SLC25A13: variants seen among roughly 807,000 people sequenced by gnomAD.
The protein encoded by SLC25A13 is solute carrier family 25 member 13.
SLC25A13 carries 70 observed loss-of-function variants against 85.5 expected under a neutral mutation model. That is an observed-to-expected ratio of 0.82 (90% confidence interval 0.68 to 1.00). The LOEUF (loss-of-function observed/expected upper bound fraction) is 1.00. SLC25A13 is among the 50% of genes least tolerant of loss of function. SLC25A13 has a pLI of 0.00. For synonymous variants in SLC25A13, 259 were observed against 288.7 expected, an observed-to-expected ratio of 0.90 and a Z score of 1.04; for missense variants, 765 against 819.8, an observed-to-expected ratio of 0.93 and a Z score of 0.82.
intron 5 of SLC25A13, among the ~76,000 whole-genome samples, chr7:96,204,600 C>T (rs966903772): frequency 6.6e-6 from 1 of 152,040 alleles, no homozygotes; most frequent in Non-Finnish European, 1.5e-5. Flanking sequence ...ATGTGAATAC[C>T]TGCCATTAGG....
At chr7:96,209,779 G>T (rs1481146338) in intron 4 of SLC25A13, among the ~76,000 whole-genome samples, 2 of 152,044 alleles carry the variant, frequency 1.3e-5, no homozygotes, top group African/African-American at 4.8e-5. Context: ...CTTTTCTAAA[G>T]CTTCTATTTT....
chr7:96,292,546 A>G (rs1799169172), intron 2 of SLC25A13, among the ~76,000 whole-genome samples: 1 of 152,222 alleles, frequency 6.6e-6, no homozygotes. Context: ...TCTCAGCCCA[A>G]AATCTCCTTC....
rs796781003 is a variant in SLC25A13, at chr7:96,120,780, C to T, written c.*411G>A. The T allele has an allele frequency of 1.5e-5, 7 of 456,790 alleles. No individual in the cohort carries two copies. Among genetic ancestry groups the T allele is most frequent in the African/African-American group, 6.0e-5 (3 of 50,198 alleles). The allele number at this position is 456,790 out of a possible 1,614,324, so 28.3% of individuals were successfully genotyped here. On this transcript the variant is annotated 3_prime_UTR_variant, in exon 18 of 18. Coordinates refer to ENST00000265631, the MANE Select transcript of SLC25A13 (RefSeq NM_014251.3). ...AGTGTTTTTTATTTTTATAAATATG[C>T]ACCTAGTTTCCTACCAGTTTAAAAC... is the stretch of plus-strand genomic sequence containing the variant.
In SLC25A13 at chr7:96,296,847, G is replaced by GTTA. The variant is rs560662537; in HGVS notation, c.69+48_69+50dup. On this transcript the variant is annotated intron_variant, in intron 2 of 17. Transcript: ENST00000265631. ...AGCTGTTTGAAAATAATATTTAAAAGTTATAGAACACAAATCAAACAAGAA... is the reference window on the plus strand; with the variant it reads ...AGCTGTTTGAAAATAATATTTAAAAGTTATTATAGAACACAAATCAAACAAGAA... 904 of 1,500,552 alleles carry GTTA rather than the reference G, an allele frequency of 6.0e-4. 8 individuals carry two copies. In the African/African-American group the frequency reaches 7.5e-3, roughly 12 times the overall value. The allele number at this position is 1,500,552 out of a possible 1,614,324, so 93.0% of individuals were successfully genotyped here.
At chr7:96,258,416 C>A (rs1797722232) in intron 3 of SLC25A13, among the ~76,000 whole-genome samples, 1 of 152,070 alleles carries the variant, frequency 6.6e-6, no homozygotes. Context: ...CATGCCTATA[C>A]ACCAATAAAA....
intron 1 of SLC25A13, among the ~76,000 whole-genome samples, chr7:96,318,278 C>T (rs78773450): frequency 0.03 from 4,597 of 152,210 alleles, 172 homozygotes; most frequent in African/African-American, 0.088. Context: ...TCATTCGTAA[C>T]GCATAAATTT....
rs747341156 is a variant in SLC25A13, at chr7:96,191,110, C to T, written c.753G>A (p.Lys251=). ...GAATTCAGATATATTCTCACTCACC[C>T]TTAGTCACTTCAACATCTTTCCTGG... The part of the protein sequence containing the change: ...AGTRKDVEVT[K]EEFVLAAQKF... The change falls in exon 7 of 18, where the codon AAG becomes AAA. Residue 251 remains lysine (K), a splice_region_variant and synonymous_variant. Transcript: ENST00000265631. 3 of 1,613,998 alleles carry T rather than the reference C, an allele frequency of 1.9e-6. No homozygotes were observed. Among genetic ancestry groups the T allele is most frequent in the East Asian group, 4.5e-5 (2 of 44,846 alleles).
intron 4 of SLC25A13, 71 bp downstream of exon 4, chr7:96,234,731 A>AG: frequency 7.8e-6 from 9 of 1,155,720 alleles, no homozygotes; most frequent in Non-Finnish European, 9.0e-6. Context: ...TTTTGTTCCT[A>AG]GAAAAAAAAA....
At chr7:96,148,111 A>G (rs1031991821) in intron 13 of SLC25A13, among the ~76,000 whole-genome samples, 3 of 152,218 alleles carry the variant, frequency 2.0e-5, no homozygotes, top group African/African-American at 7.2e-5. Flanking sequence ...TACCAACTTG[A>G]TACCTTAATC....
intron 3 of SLC25A13, among the ~76,000 whole-genome samples, chr7:96,248,003 TCC>T (rs1797271110): frequency 1.3e-5 from 2 of 150,052 alleles, no homozygotes; most frequent in African/African-American, 4.9e-5. Context: ...TCAAATACTC[TCC>T]ATCAGCCTAC....
At chr7:96,318,012 G>A (rs1476060127) in intron 1 of SLC25A13, among the ~76,000 whole-genome samples, 1 of 151,632 alleles carries the variant, frequency 6.6e-6, no homozygotes, top group Non-Finnish European at 1.5e-5. Context: ...TTGCAACACT[G>A]GAAAGAACAC....
chr7:96,305,629 G>C (rs1395781606), intron 1 of SLC25A13, among the ~76,000 whole-genome samples: 1 of 152,122 alleles, frequency 6.6e-6, no homozygotes, highest in Non-Finnish European at 1.5e-5. Flanking sequence ...TCCTGATGGG[G>C]AACAAAGGAA....
chr7:96,282,180 T>C (rs1364661303), intron 2 of SLC25A13, among the ~76,000 whole-genome samples: 6 of 152,134 alleles, frequency 3.9e-5, no homozygotes, highest in Non-Finnish European at 7.4e-5. Flanking sequence ...CATGCAACCT[T>C]GTATAATACT....
At chr7:96,270,778 C>T (rs1322842273) in intron 3 of SLC25A13, among the ~76,000 whole-genome samples, 8 of 152,128 alleles carry the variant, frequency 5.3e-5, no homozygotes, top group Admixed American at 5.2e-4. Context: ...TATGCTATCA[C>T]AGTTCTAGGG....
In SLC25A13 at chr7:96,208,956, C is replaced by T; in HGVS notation, c.350G>A (p.Gly117Glu). The change falls in exon 5 of 18, where the codon GGA becomes GAA. Residue 117 changes from glycine to glutamate, a missense_variant. Coordinates refer to ENST00000265631, the MANE Select transcript of SLC25A13 (RefSeq NM_014251.3). ...VTFEDVKQVF[G>E]QTTIHQHIPF... ...AATATGTTGATGAATTGTGGTCTGT[C>T]CAAAAACTTGCTTAACATCCTCTGA... 3.1e-6 allele frequency: 5 copies of T among 1,613,892 alleles called. No individual in the cohort carries two copies. The highest frequency in any genetic ancestry group is 4.2e-6 in the Non-Finnish European group (5 of 1,179,976).
At chr7:96,279,750 A>AG (rs1251404900) in intron 2 of SLC25A13, among the ~76,000 whole-genome samples, 5 of 152,196 alleles carry the variant, frequency 3.3e-5, no homozygotes, top group Admixed American at 1.3e-4. Flanking sequence ...TTTTTAAAGT[A>AG]GGTTTATCTT....
chr7:96,129,572 C>A (rs900621280), intron 15 of SLC25A13, among the ~76,000 whole-genome samples: 1 of 152,040 alleles, frequency 6.6e-6, no homozygotes, highest in Non-Finnish European at 1.5e-5. Flanking sequence ...TAAGATGCAG[C>A]AATTAGAAAC....
intron 11 of SLC25A13, among the ~76,000 whole-genome samples, chr7:96,171,976 T>G (rs1384969063): frequency 6.6e-6 from 1 of 152,246 alleles, no homozygotes; most frequent in African/African-American, 2.4e-5. Context: ...ACAGTTGTTT[T>G]TTCTTGGAAA....
intron 15 of SLC25A13, among the ~76,000 whole-genome samples, chr7:96,126,569 C>T (rs986160840): frequency 3.3e-5 from 5 of 152,166 alleles, no homozygotes; most frequent in African/African-American, 1.2e-4. Flanking sequence ...CTAAAACCTC[C>T]ACCTCCACCC....
Sources: allele counts gnomAD v4.1 joint callset (sites outside exome capture counted in the v4.1 genomes callset), GRCh38; gene constraint gnomAD v4.1.1; transcripts MANE v1.5; gene names NCBI Gene and HGNC (gene_info 2026-07-23, HGNC 2026-07-21).